Variants in ABCA13 observed in about 807,000 individuals in gnomAD.
The protein encoded by ABCA13 is ATP binding cassette subfamily A member 13, also known as ATP-binding cassette sub-family A member 13.
ABCA13 carries 476 observed loss-of-function variants against 478.7 expected under a neutral mutation model. The observed-to-expected ratio is 0.99, with a 90% CI of 0.92 to 1.07. ABCA13 has a LOEUF of 1.07. Ranked by LOEUF, ABCA13 falls within the 50% of genes least tolerant of loss-of-function variation. The probability of loss-of-function intolerance (pLI) is 0.00; values close to 1 mark genes in which losing one functional copy is unlikely to be tolerated. For missense variants in ABCA13, 6,060 were observed against 5,910.6 expected, an observed-to-expected ratio of 1.03 and a Z score of -0.83; for synonymous variants, 2,252 against 2,158.9, an observed-to-expected ratio of 1.04 and a Z score of -1.20.
At chr7:48,402,450 C>T (rs964035237) in intron 38 of ABCA13, among the ~76,000 whole-genome samples, 1 of 152,092 alleles carries the variant, frequency 6.6e-6, no homozygotes, top group African/African-American at 2.4e-5. Context: ...CTTCCTCCTT[C>T]CAATAGGGTG....
chr7:48,489,358 T>C lies in ABCA13; in HGVS notation c.13291+14T>C, dbSNP rs764791075. 9.7e-6 allele frequency: 15 copies of C among 1,553,262 alleles called. No homozygotes were observed. In the Admixed American group the frequency reaches 2.3e-4, roughly 24 times the overall value. On this transcript the variant is annotated intron_variant, in intron 48 of 61. Transcript: ENST00000435803. ...GGAGACAATACGGTAATGTTATTTT[T>C]CATGCATTGTAATTCACTACTTTCA...
intron 45 of ABCA13, among the ~76,000 whole-genome samples, chr7:48,477,929 G>A (rs1334682571): frequency 6.6e-6 from 1 of 151,950 alleles, no homozygotes; most frequent in Non-Finnish European, 1.5e-5. Context: ...ATATTTTCTA[G>A]TAGACCTGAA....
chr7:48,269,801 C>T (rs1053274294), intron 16 of ABCA13, among the ~76,000 whole-genome samples: 2 of 152,126 alleles, frequency 1.3e-5, no homozygotes, highest in South Asian at 4.2e-4. Context: ...ATAGGTGGTT[C>T]CAGTGCACAC....
At chr7:48,322,506 CCAG>C (rs1257239427) in intron 27 of ABCA13, among the ~76,000 whole-genome samples, 1 of 152,170 alleles carries the variant, frequency 6.6e-6, no homozygotes. Context: ...AGAGAGGCCA[CCAG>C]CGGTGATCCA....
rs1454239948 is a variant in ABCA13, at chr7:48,278,202, A to G, written c.7008A>G (p.Ile2336Met). The G allele has an allele frequency of 1.3e-6, 2 of 1,598,978 alleles. No individual in the cohort carries two copies. Among genetic ancestry groups the G allele is most frequent in the Non-Finnish European group, 8.5e-7 (1 of 1,170,212 alleles). Residue 2336 changes from isoleucine (I) to methionine (M), a missense_variant, in exon 18 of 62, where the codon ATA becomes ATG. Coordinates refer to ENST00000435803, the MANE Select transcript of ABCA13 (RefSeq NM_152701.5). ...TTTTTTCAAGTTTAAAGGAGACTAT[A>G]TATCACCTAATGAAAAGTTCATTTA... The part of the protein sequence containing the change: ...MNIFSSLKET[I>M]YHLMKSSFIL...
chr7:48,240,813 G>A (rs932088775), intron 9 of ABCA13, 54 bp from the exon 10 acceptor site: 21 of 1,403,838 alleles, frequency 1.5e-5, no homozygotes, highest in African/African-American at 1.4e-4. Context: ...ACTAAATACT[G>A]TTCTTTCCAA....
rs768216466 is a variant in ABCA13 at position 48,645,435 on chromosome 7, T to C, written c.15100T>C (p.Ser5034Pro). 2 of 1,575,058 alleles carry C rather than the reference T, an allele frequency of 1.3e-6. No individual in the cohort carries two copies. Among genetic ancestry groups the C allele is most frequent in the Non-Finnish European group, 1.7e-6 (2 of 1,158,910 alleles). The change falls in exon 62 of 62, where the codon TCT (serine) becomes CCT (proline). Residue 5034 changes from serine (S) to proline (P), a missense_variant. Around this residue, in one of 3 missense-constraint regions of ABCA13, gnomAD observed 1,627 missense variants for 1,571.0 expected, o/e 1.04. Transcript: ENST00000435803. The part of the protein sequence containing the change: ...TLEQVFINFA[S>P]EQQQTLQSTL... ...TTTTCAGGTATTTATTAATTTTGCT[T>C]CTGAGCAGCAGCAAACTCTACAATC...
At chr7:48,333,937 A>G (rs1261337820) in intron 27 of ABCA13, among the ~76,000 whole-genome samples, 1 of 152,158 alleles carries the variant, frequency 6.6e-6, no homozygotes, top group African/African-American at 2.4e-5. Flanking sequence ...CAGGGGAAGA[A>G]CAACCATTTG....
chr7:48,311,282 TC>T (rs1563023701), intron 24 of ABCA13, among the ~76,000 whole-genome samples: 1 of 151,754 alleles, frequency 6.6e-6, no homozygotes, highest in Non-Finnish European at 1.5e-5. Flanking sequence ...ACACACACAC[TC>T]CAAGAACAAA....
chr7:48,238,441 A>C (rs949496310), intron 8 of ABCA13, among the ~76,000 whole-genome samples: 1 of 151,926 alleles, frequency 6.6e-6, no homozygotes, highest in Non-Finnish European at 1.5e-5. Flanking sequence ...TTTACAAAGC[A>C]GTGTTACAGG....
At chr7:48,257,571 T>A (rs1210319532) in intron 15 of ABCA13, among the ~76,000 whole-genome samples, 1 of 152,218 alleles carries the variant, frequency 6.6e-6, no homozygotes, top group Non-Finnish European at 1.5e-5. Flanking sequence ...ATGTGGTTTT[T>A]GTTTTTAGTT....
intron 3 of ABCA13, among the ~76,000 whole-genome samples, chr7:48,203,281 C>G (rs1301186330): frequency 1.3e-5 from 2 of 152,190 alleles, no homozygotes; most frequent in Non-Finnish European, 1.5e-5. Context: ...AGCCCCGGTT[C>G]CCGCTCGCGC....
At chr7:48,213,778 A>G (rs1410599019) in intron 3 of ABCA13, among the ~76,000 whole-genome samples, 2 of 152,210 alleles carry the variant, frequency 1.3e-5, no homozygotes, top group Non-Finnish European at 2.9e-5. Flanking sequence ...CATTTCAGTA[A>G]TGTTCACAGC....
At chr7:48,172,941 T>C (rs1794349841) in intron 1 of ABCA13, among the ~76,000 whole-genome samples, 1 of 151,860 alleles carries the variant, frequency 6.6e-6, no homozygotes, top group Admixed American at 6.6e-5. Context: ...TTCATTGACA[T>C]GTAAGTTTGT....
intron 42 of ABCA13, among the ~76,000 whole-genome samples, chr7:48,438,315 T>A (rs1208503944): frequency 6.6e-6 from 1 of 152,056 alleles, no homozygotes; most frequent in African/African-American, 2.4e-5. Flanking sequence ...GTTTGTTTGT[T>A]TTTGATTGGG....
At chr7:48,280,790 G>C (rs554022990) in intron 18 of ABCA13, among the ~76,000 whole-genome samples, 2 of 152,322 alleles carry the variant, frequency 1.3e-5, no homozygotes, top group East Asian at 3.9e-4. Flanking sequence ...GGTGAAACAG[G>C]TAGCCACTGG....
intron 57 of ABCA13, among the ~76,000 whole-genome samples, chr7:48,592,930 A>G (rs1262215370): frequency 6.6e-6 from 1 of 151,836 alleles, no homozygotes; most frequent in Non-Finnish European, 1.5e-5. Context: ...ATCTTTACCT[A>G]TTGTTTCACA....
intron 47 of ABCA13, among the ~76,000 whole-genome samples, chr7:48,486,875 G>A (rs919098029): frequency 6.6e-6 from 1 of 152,126 alleles, no homozygotes; most frequent in Non-Finnish European, 1.5e-5. Context: ...ACATACATGT[G>A]CCTCTCAATT....
chr7:48,607,902 G>A (rs1791631951), intron 58 of ABCA13, among the ~76,000 whole-genome samples: 1 of 151,692 alleles, frequency 6.6e-6, no homozygotes, highest in African/African-American at 2.4e-5. Flanking sequence ...TTTTATTTTT[G>A]GACCGTCTCA....
Sources: gnomAD v4.1 joint callset for allele counts (sites outside exome capture counted in the v4.1 genomes callset) on GRCh38, gnomAD v4.1.1 for gene constraint, gnomAD v4.1.1 regional missense constraint, MANE v1.5 for transcripts, NCBI Gene and HGNC (gene_info 2026-07-23, HGNC 2026-07-21) for gene names.